Variants in TMEM185A observed in about 807,000 individuals in gnomAD.
TMEM185A encodes transmembrane protein 185A.
A neutral mutation model predicts 25.0 loss-of-function variants in TMEM185A; 9 were observed. The observed-to-expected ratio is 0.36, with a 90% CI of 0.22 to 0.63. The LOEUF (loss-of-function observed/expected upper bound fraction) is 0.63. Among genes scored for constraint, TMEM185A ranks in the 20% least tolerant of loss-of-function variants. The pLI is 0.68. For missense variants in TMEM185A, 103 were observed against 237.4 expected (o/e 0.43, Z 3.72); for synonymous variants, 45 against 93.5 (o/e 0.48, Z 2.99).
intron 1 of TMEM185A, among the ~76,000 whole-genome samples, chrX:149,619,791 T>C (rs1557355395): frequency 9.0e-6 from 1 of 110,989 alleles, no homozygotes. Flanking sequence ...CTGAGAATGA[T>C]GATTTCCAAT....
Position 149,631,676 on chromosome X carries a change from C to G in TMEM185A, c.-96G>C. ...AGCGGGTTCATGGCGCCAGCGCCAG[C>G]CGCGTCCACGCTGCTGCTCCCGCTA... On this transcript the variant is annotated 5_prime_UTR_variant, in exon 1 of 7. Coordinates refer to ENST00000600449, the MANE Select transcript of TMEM185A (RefSeq NM_032508.4). 1 of 889,506 alleles carries G rather than the reference C, an allele frequency of 1.1e-6. No homozygotes were observed. The highest frequency in any genetic ancestry group is 1.5e-6 in the Non-Finnish European group (1 of 658,782). 73.3% of individuals were successfully genotyped at this position (889,506 alleles called of 1,213,427 possible). A position where few individuals can be genotyped will look rare whatever the true frequency, so the allele number is the denominator to read the frequency against.
At chrX:149,612,197 C>G (rs925697383) in intron 1 of TMEM185A, among the ~76,000 whole-genome samples, 1 of 111,850 alleles carries the variant, frequency 8.9e-6, no homozygotes, top group African/African-American at 3.3e-5. Context: ...AAGCTTGATA[C>G]AGTCTACAAA....
intron 3 of TMEM185A, among the ~76,000 whole-genome samples, chrX:149,605,938 T>C (rs1291950912): frequency 8.9e-6 from 1 of 112,180 alleles, no homozygotes; most frequent in African/African-American, 3.2e-5. Flanking sequence ...ATGGGGAATT[T>C]AGTAATTCCT....
At chrX:149,603,547 AAAAC>A (rs1347360791) in intron 4 of TMEM185A, among the ~76,000 whole-genome samples, 22 of 112,257 alleles carry the variant, frequency 2.0e-4, no homozygotes, top group Non-Finnish European at 9.4e-5. Context: ...AAACAACCAA[AAAAC>A]AAAAGGCAAA....
intron 1 of TMEM185A, among the ~76,000 whole-genome samples, chrX:149,627,976 T>C (rs2090172252): frequency 8.9e-6 from 1 of 112,231 alleles, no homozygotes; most frequent in Admixed American, 9.4e-5. Context: ...ATAACTTATA[T>C]GGACTCCAGA....
chrX:149,603,902 C>T (rs1241353180), intron 4 of TMEM185A, 85 bp downstream of exon 4: 14 of 808,239 alleles, frequency 1.7e-5, no homozygotes, highest in East Asian at 1.0e-4. Flanking sequence ...TCTGCTTGTC[C>T]GTCTTTTCCA....
chrX:149,628,279 G>A (rs1181080631), intron 1 of TMEM185A, among the ~76,000 whole-genome samples: 2 of 111,130 alleles, frequency 1.8e-5, no homozygotes, highest in Admixed American at 9.5e-5. Context: ...GGTGAGTGCC[G>A]GGAGCCCACC....
At chrX:149,618,407 A>T (rs2090121705) in intron 1 of TMEM185A, among the ~76,000 whole-genome samples, 1 of 111,267 alleles carries the variant, frequency 9.0e-6, no homozygotes, top group Non-Finnish European at 1.9e-5. Flanking sequence ...TGAGATTCAG[A>T]GGGGTTGCTA....
rs1474306619 is a variant in TMEM185A, at chrX:149,608,849, G to A, written c.216-15C>T. The A allele has an allele frequency of 1.7e-6, 2 of 1,201,146 alleles. No homozygotes were observed. The highest frequency in any genetic ancestry group is 2.3e-6 in the Non-Finnish European group (2 of 886,898). On this transcript the variant is annotated splice_polypyrimidine_tract_variant and intron_variant, in intron 2 of 6. Transcript: ENST00000600449. Reference sequence around the variant, plus strand: ...CTCCTTCTGCTCTAAAAAAGGGAGAGAAGAAGAAAACACCCTCAGTTCAGA... The same window carrying A: ...CTCCTTCTGCTCTAAAAAAGGGAGAAAAGAAGAAAACACCCTCAGTTCAGA...
chrX:149,617,142 G>A (rs1263328263), intron 1 of TMEM185A, among the ~76,000 whole-genome samples: 3 of 111,539 alleles, frequency 2.7e-5, no homozygotes, highest in Non-Finnish European at 1.9e-5. Context: ...AGACCTAAAT[G>A]TCATACACAA....
intron 1 of TMEM185A, among the ~76,000 whole-genome samples, chrX:149,625,546 G>A (rs1342440698): frequency 1.8e-5 from 2 of 112,579 alleles, no homozygotes; most frequent in Non-Finnish European, 3.8e-5. Flanking sequence ...AGCACCTTGA[G>A]AACCTGCAGT....
chrX:149,626,629 G>C (rs781887089), intron 1 of TMEM185A, among the ~76,000 whole-genome samples: 2 of 112,410 alleles, frequency 1.8e-5, no homozygotes, highest in Non-Finnish European at 3.8e-5. Context: ...AGTGGGCCCA[G>C]GGGACCGGCA....
rs1557356693 is a variant in TMEM185A at position 149,631,706 on chromosome X, TGCCGTCCCCGCTGCCGTC to T, written c.-144_-127del. ...TCCACGCTGCTGCTCCCGCTACTGC[TGCCGTCCCCGCTGCCGTC>T]GCCGTCGCCGTCGCCGCCGCCGCCG... On this transcript the variant is annotated 5_prime_UTR_variant, in exon 1 of 7. Coordinates refer to ENST00000600449, the MANE Select transcript of TMEM185A (RefSeq NM_032508.4). 1.4e-6 allele frequency: 1 copy of T among 696,658 alleles called. No individual in the cohort carries two copies. Among genetic ancestry groups the T allele is most frequent in the Non-Finnish European group, 1.9e-6 (1 of 517,756 alleles). The allele number at this position is 696,658 out of a possible 1,213,427, so 57.4% of individuals were successfully genotyped here.
Position 149,631,757 on chromosome X carries a change from C to T in TMEM185A, c.-177G>A, listed in dbSNP as rs2090199041. The T allele has an allele frequency of 1.6e-5, 2 of 128,041 alleles. No homozygotes were observed. The highest frequency in any genetic ancestry group is 2.2e-4 in the Admixed American group (1 of 4,627). 10.6% of individuals were successfully genotyped at this position (128,041 alleles called of 1,213,427 possible). A position where few individuals can be genotyped will look rare whatever the true frequency, so the allele number is the denominator to read the frequency against. On this transcript the variant is annotated 5_prime_UTR_variant, in exon 1 of 7. Transcript: ENST00000600449. Reference sequence around the variant, plus strand: ...CCGTCGCCGCCGCCGCCGCCGCCGCCGCCGCCGCCGCCGCCGCCGCCGCCC... The same window carrying T: ...CCGTCGCCGCCGCCGCCGCCGCCGCTGCCGCCGCCGCCGCCGCCGCCGCCC...
chrX:149,610,611 G>A (rs1447631434), intron 2 of TMEM185A, among the ~76,000 whole-genome samples: 2 of 110,269 alleles, frequency 1.8e-5, no homozygotes, highest in Non-Finnish European at 3.8e-5. Context: ...CTGTGGCAGA[G>A]AAGGGAAAGA....
intron 1 of TMEM185A, among the ~76,000 whole-genome samples, chrX:149,626,765 G>A (rs1331439347): frequency 8.9e-6 from 1 of 112,127 alleles, no homozygotes; most frequent in African/African-American, 3.3e-5. Flanking sequence ...GGTCAGCAGG[G>A]AAACGTGAGC....
At chrX:149,608,083 C>T (rs7884552) in intron 3 of TMEM185A, among the ~76,000 whole-genome samples, 2,189 of 111,982 alleles carry the variant, frequency 0.02, 48 homozygotes, top group African/African-American at 0.068. Context: ...TCTCTTTATA[C>T]ATATATCTGT....
Position 149,617,729 on chromosome X carries a change from A to C in TMEM185A, c.39-6266T>G, listed in dbSNP as rs187870110. ...TGTCCACACAAAGGCCTGTATTCAA[A>C]TATTCCAAGAAGCTTTATTCATAAT... On this transcript the variant is annotated intron_variant, in intron 1 of 6. Coordinates refer to ENST00000600449, the MANE Select transcript of TMEM185A (RefSeq NM_032508.4). Among the ~76,000 whole-genome samples, 670 of 112,285 alleles carry C rather than the reference A, an allele frequency of 6.0e-3. 2 individuals are homozygous for C. The highest frequency in any genetic ancestry group is 9.8e-3 in the Non-Finnish European group (519 of 53,138).
chrX:149,622,068 G>A (rs1383062650), intron 1 of TMEM185A, among the ~76,000 whole-genome samples: 1 of 112,098 alleles, frequency 8.9e-6, no homozygotes, highest in Non-Finnish European at 1.9e-5. Context: ...GATTAAGAAA[G>A]TAAACCTGTT....
Sources: gnomAD v4.1 joint callset for allele counts (sites outside exome capture counted in the v4.1 genomes callset) on GRCh38, gnomAD v4.1.1 for gene constraint, MANE v1.5 for transcripts, NCBI Gene and HGNC (gene_info 2026-07-23, HGNC 2026-07-21) for gene names.